Variants in PPP3CA observed in about 807,000 individuals in gnomAD.
PPP3CA encodes the protein CAM-PRP catalytic subunit.
In PPP3CA, 14 loss-of-function variants were observed where a neutral mutation model predicts 66.5. The ratio of observed to expected loss-of-function variants is 0.21; its 90% confidence interval spans 0.14 to 0.33. The LOEUF (loss-of-function observed/expected upper bound fraction) is 0.33, where lower values mean the gene tolerates loss of function less well. Ranked by LOEUF, PPP3CA falls within the 10% of genes least tolerant of loss-of-function variation. The probability of loss-of-function intolerance (pLI) is 1.00; values close to 1 mark genes in which losing one functional copy is unlikely to be tolerated. For missense variants in PPP3CA, 317 were observed against 639.5 expected, an observed-to-expected ratio of 0.50 and a Z score of 5.44; for synonymous variants, 232 against 226.2, an observed-to-expected ratio of 1.03 and a Z score of -0.23.
rs144782977 is a variant in PPP3CA, at chr4:101,169,058, G to T, written c.259+26858C>A. On this transcript the variant is annotated intron_variant, in intron 2 of 13. Coordinates refer to ENST00000394854, the MANE Select transcript of PPP3CA (RefSeq NM_000944.5). ...AGACTTCAGTCACAAATGCAAACAG[G>T]AAATTGAGACGCTCACTTTTGCACA... Among the ~76,000 whole-genome samples the T allele has an allele frequency of 3.3e-5, 5 of 152,258 alleles. No homozygotes were observed. In the East Asian group the frequency reaches 9.6e-4, roughly 29 times the overall value.
At chr4:101,175,550 C>T (rs1001749155) in intron 2 of PPP3CA, among the ~76,000 whole-genome samples, 46 of 152,086 alleles carry the variant, frequency 3.0e-4, no homozygotes, top group African/African-American at 1.1e-3. Context: ...TATTATAACT[C>T]TATTAGAATG....
intron 1 of PPP3CA, among the ~76,000 whole-genome samples, chr4:101,196,393 A>G (rs1724793997): frequency 6.6e-6 from 1 of 152,210 alleles, no homozygotes; most frequent in South Asian, 2.1e-4. Context: ...TTAAAAAGAA[A>G]AGGAATGAAA....
intron 1 of PPP3CA, among the ~76,000 whole-genome samples, chr4:101,278,955 T>C (rs1356438810): frequency 6.6e-6 from 1 of 152,186 alleles, no homozygotes; most frequent in Non-Finnish European, 1.5e-5. Flanking sequence ...ATATGACAGA[T>C]TTGTTTTATG....
chr4:101,064,700 C>CT (rs1728609012), intron 8 of PPP3CA, among the ~76,000 whole-genome samples: 1 of 151,980 alleles, frequency 6.6e-6, no homozygotes, highest in Admixed American at 6.6e-5. Context: ...CTTCTTGATG[C>CT]TTTAGCTCAG....
intron 2 of PPP3CA, among the ~76,000 whole-genome samples, chr4:101,189,014 C>G (rs1468085250): frequency 1.3e-5 from 2 of 152,144 alleles, no homozygotes. Flanking sequence ...CACTAAACCA[C>G]AGATTCTTCT....
chr4:101,281,983 T>C (rs566521631), intron 1 of PPP3CA, among the ~76,000 whole-genome samples: 1 of 152,302 alleles, frequency 6.6e-6, no homozygotes, highest in South Asian at 2.1e-4. Flanking sequence ...TACACATTCA[T>C]GGAGCTTTCC....
intron 1 of PPP3CA, among the ~76,000 whole-genome samples, chr4:101,247,536 T>C (rs952720584): frequency 2.0e-5 from 3 of 152,160 alleles, no homozygotes; most frequent in African/African-American, 7.2e-5. Context: ...ATTCTGCATT[T>C]TGTACTAAAC....
At chr4:101,196,369 A>G (rs1724793005) in intron 1 of PPP3CA, among the ~76,000 whole-genome samples, 1 of 152,188 alleles carries the variant, frequency 6.6e-6, no homozygotes, top group Admixed American at 6.6e-5. Context: ...TGCATCTATA[A>G]TATCCTGATT....
At chr4:101,161,504 G>A (rs569600741) in intron 2 of PPP3CA, among the ~76,000 whole-genome samples, 2 of 152,206 alleles carry the variant, frequency 1.3e-5, no homozygotes, top group South Asian at 4.1e-4. Context: ...TTTATCAGAT[G>A]GGAGGAAGTT....
At chr4:101,243,681 G>C (rs1726385936) in intron 1 of PPP3CA, among the ~76,000 whole-genome samples, 1 of 152,132 alleles carries the variant, frequency 6.6e-6, no homozygotes, top group African/African-American at 2.4e-5. Flanking sequence ...TTGAGTGTCT[G>C]TGAATTTTGG....
intron 1 of PPP3CA, among the ~76,000 whole-genome samples, chr4:101,299,827 G>T (rs1728320528): frequency 6.6e-6 from 1 of 152,048 alleles, no homozygotes; most frequent in African/African-American, 2.4e-5. Flanking sequence ...AGGAGGTAAG[G>T]CCATGTTTAC....
intron 5 of PPP3CA, among the ~76,000 whole-genome samples, chr4:101,095,590 A>G (rs1253097292): frequency 4.6e-5 from 7 of 152,204 alleles, no homozygotes; most frequent in African/African-American, 1.7e-4. Flanking sequence ...TACGATGTGA[A>G]GTTTATTTAC....
At chr4:101,155,935 C>T (rs1014572230) in intron 2 of PPP3CA, among the ~76,000 whole-genome samples, 1 of 152,168 alleles carries the variant, frequency 6.6e-6, no homozygotes, top group South Asian at 2.1e-4. Flanking sequence ...GAGCTCTTAT[C>T]ATGTGCTGTG....
chr4:101,264,054 C>CGA (rs1727091933), intron 1 of PPP3CA, among the ~76,000 whole-genome samples: 1 of 152,142 alleles, frequency 6.6e-6, no homozygotes, highest in African/African-American at 2.4e-5. Context: ...CTGATTCTCA[C>CGA]AGTACTTAAA....
chr4:101,033,978 GC>G (rs1243156336), intron 11 of PPP3CA, among the ~76,000 whole-genome samples: 1 of 152,100 alleles, frequency 6.6e-6, no homozygotes, highest in Non-Finnish European at 1.5e-5. Context: ...TCACACTCTT[GC>G]CCCCTCCTCC....
chr4:101,324,210 A>AAAGG (rs1729139383), intron 1 of PPP3CA, among the ~76,000 whole-genome samples: 1 of 139,418 alleles, frequency 7.2e-6, no homozygotes, highest in African/African-American at 2.7e-5. Flanking sequence ...GGAAGGAAGG[A>AAAGG]AGGAAGGAAG....
intron 2 of PPP3CA, among the ~76,000 whole-genome samples, chr4:101,126,388 A>G (rs1722247454): frequency 6.6e-6 from 1 of 152,242 alleles, no homozygotes; most frequent in South Asian, 2.1e-4. Flanking sequence ...TAAGGATTAG[A>G]AAATTCTAAG....
intron 10 of PPP3CA, among the ~76,000 whole-genome samples, chr4:101,050,942 T>C (rs1275448166): frequency 1.3e-5 from 2 of 152,150 alleles, no homozygotes; most frequent in Admixed American, 1.3e-4. Flanking sequence ...TTGGTGAATA[T>C]CAAGCTGCCC....
At chr4:101,323,495 G>A (rs748755764) in intron 1 of PPP3CA, among the ~76,000 whole-genome samples, 1 of 152,166 alleles carries the variant, frequency 6.6e-6, no homozygotes, top group Non-Finnish European at 1.5e-5. Context: ...GTAATGAGGA[G>A]TAAATGGCGT....
Sources: gnomAD v4.1 joint callset for allele counts (sites outside exome capture counted in the v4.1 genomes callset) on GRCh38, gnomAD v4.1.1 for gene constraint, MANE v1.5 for transcripts, NCBI Gene and HGNC (gene_info 2026-07-23, HGNC 2026-07-21) for gene names.